Variants in RIMS4 observed in about 807,000 individuals in gnomAD.
The protein encoded by RIMS4 is regulating synaptic membrane exocytosis protein 4.
In RIMS4, 9 loss-of-function variants were observed where a neutral mutation model predicts 29.0. The observed-to-expected ratio is 0.31, with a 90% CI of 0.19 to 0.54. The LOEUF (loss-of-function observed/expected upper bound fraction) is 0.54, where lower values mean the gene tolerates loss of function less well. Ranked by LOEUF, RIMS4 falls within the 20% of genes least tolerant of loss-of-function variation. The pLI is 0.94. For synonymous variants in RIMS4, 130 were observed against 152.9 expected, an observed-to-expected ratio of 0.85 and a Z score of 1.10; for missense variants, 193 against 365.7, an observed-to-expected ratio of 0.53 and a Z score of 3.85.
At position 44,755,184 on chromosome 20, in the gene RIMS4, G is replaced by A. The variant is rs1361578993; in HGVS notation, c.*950C>T. ...GCCCCCTGGCCTGGAGGCAGGGTGGGTAGACAGGATGACCATTGACCTCAT... is the reference window on the plus strand; with the variant it reads ...GCCCCCTGGCCTGGAGGCAGGGTGGATAGACAGGATGACCATTGACCTCAT... On this transcript the variant is annotated 3_prime_UTR_variant, in exon 6 of 6. Transcript: ENST00000372851. The A allele has an allele frequency of 1.1e-4, 17 of 152,488 alleles. No homozygotes were observed. 9.4% of individuals were successfully genotyped at this position (152,488 alleles called of 1,614,324 possible). A position where few individuals can be genotyped will look rare whatever the true frequency, so the allele number is the denominator to read the frequency against.
Position 44,754,569 on chromosome 20 carries a change from G to A in RIMS4, c.*1565C>T, listed in dbSNP as rs571452593. 6.5e-6 allele frequency: 1 copy of A among 153,012 alleles called. No individual in the cohort carries two copies. Among genetic ancestry groups the A allele is most frequent in the East Asian group, 1.9e-4 (1 of 5,188 alleles). The allele number at this position is 153,012 out of a possible 1,614,324, so 9.5% of individuals were successfully genotyped here. Reference sequence around the variant, plus strand: ...AAGAATAATAAATCAGAACAGCCGAGTATAACAGGCAGCTCCAGCTATAAC... The same window carrying A: ...AAGAATAATAAATCAGAACAGCCGAATATAACAGGCAGCTCCAGCTATAAC... On this transcript the variant is annotated 3_prime_UTR_variant, in exon 6 of 6. Transcript: ENST00000372851.
At position 44,756,768 on chromosome 20, in the gene RIMS4, GGCCTCGCCT is replaced by G. The variant is rs2066062347; in HGVS notation, c.591+121_591+129del. ...CTCAGTTCAGCCACAGTGAACTGAG[GGCCTCGCCT>G]GTTTCCTCCAGGCGAGGCCCTCCAG... On this transcript the variant is annotated intron_variant, in intron 5 of 5. Coordinates refer to ENST00000372851, the MANE Select transcript of RIMS4 (RefSeq NM_182970.4). The surrounding 1 kb of genome is among the most constrained non-coding windows in gnomAD (Gnocchi z 5.9). 2.0e-5 allele frequency: 15 copies of G among 742,912 alleles called. No individual in the cohort carries two copies. The highest frequency in any genetic ancestry group is 3.2e-5 in the Non-Finnish European group (15 of 469,980). The allele number at this position is 742,912 out of a possible 1,614,324, so 46.0% of individuals were successfully genotyped here.
chr20:44,792,858 C>T (rs1021794565), intron 1 of RIMS4, among the ~76,000 whole-genome samples: 3 of 152,190 alleles, frequency 2.0e-5, no homozygotes, highest in East Asian at 3.9e-4. Context: ...AGATCTGGTT[C>T]GGGTCTGTGG....
chr20:44,803,190 T>A (rs947402135), intron 1 of RIMS4, among the ~76,000 whole-genome samples: 1 of 152,172 alleles, frequency 6.6e-6, no homozygotes, highest in African/African-American at 2.4e-5. Flanking sequence ...CCTTGATATA[T>A]CCCTAGCACC....
chr20:44,756,835 T>A lies in RIMS4; in HGVS notation c.591+63A>T, dbSNP rs2066062716. 2 of 1,544,032 alleles carry A rather than the reference T, an allele frequency of 1.3e-6. No homozygotes were observed. The highest frequency in any genetic ancestry group is 1.8e-6 in the Non-Finnish European group (2 of 1,138,266). On this transcript the variant is annotated intron_variant, in intron 5 of 5. Coordinates refer to ENST00000372851, the MANE Select transcript of RIMS4 (RefSeq NM_182970.4). The surrounding 1 kb of genome is among the most constrained non-coding windows in gnomAD (Gnocchi z 5.9). ...CCCCGCCAGGGGTGCCCTCCTCTCA[T>A]TCTGGTACTGTGCATGTGTGCTCGT... is the stretch of plus-strand genomic sequence containing the variant.
At position 44,781,329 on chromosome 20, in the gene RIMS4, G is replaced by A. The variant is rs184135585; in HGVS notation, c.98-9916C>T. Among the ~76,000 whole-genome samples the A allele has an allele frequency of 1.9e-4, 29 of 152,348 alleles. No individual in the cohort carries two copies. In the South Asian group the frequency reaches 2.1e-3, roughly 11 times the overall value. On this transcript the variant is annotated intron_variant, in intron 1 of 5. Coordinates refer to ENST00000372851, the MANE Select transcript of RIMS4 (RefSeq NM_182970.4). Reference sequence around the variant, plus strand: ...TACAACGTAGCATAATGTAAGGGCAGAGATATACACAGAGTATTATGGGAG... The same window carrying A: ...TACAACGTAGCATAATGTAAGGGCAAAGATATACACAGAGTATTATGGGAG...
intron 1 of RIMS4, among the ~76,000 whole-genome samples, chr20:44,807,428 C>G (rs1254019569): frequency 6.6e-6 from 1 of 152,212 alleles, no homozygotes; most frequent in Non-Finnish European, 1.5e-5. Flanking sequence ...CTGAAGATGG[C>G]TCTGGCTCAG....
intron 2 of RIMS4, among the ~76,000 whole-genome samples, chr20:44,759,352 C>T (rs1395443515): frequency 1.3e-5 from 2 of 152,018 alleles, no homozygotes; most frequent in African/African-American, 2.4e-5. Context: ...TGGGTTTAAG[C>T]GTTTAAGCAA....
At chr20:44,810,061 G>A (rs1181549051) in intron 1 of RIMS4, 114 bp downstream of exon 1, 1 of 464,844 alleles carries the variant, frequency 2.2e-6, no homozygotes, top group Non-Finnish European at 4.1e-6. Flanking sequence ...AGACCCTGGG[G>A]GCGCCTTCCC....
rs909721240 is a variant in RIMS4 at position 44,754,736 on chromosome 20, GGGACTCTGTAA to G, written c.*1387_*1397del. 1 of 152,792 alleles carries G rather than the reference GGGACTCTGTAA, an allele frequency of 6.5e-6. No homozygotes were observed. Among genetic ancestry groups the G allele is most frequent in the Non-Finnish European group, 1.5e-5 (1 of 68,176 alleles). The allele number at this position is 152,792 out of a possible 1,614,324, so 9.5% of individuals were successfully genotyped here. On this transcript the variant is annotated 3_prime_UTR_variant, in exon 6 of 6. Coordinates refer to ENST00000372851, the MANE Select transcript of RIMS4 (RefSeq NM_182970.4). ...GAGGCTCCTCTCCACCCCCGGTCCT[GGGACTCTGTAA>G]GGACTATGCATGAGCTAAGAACAGG...
chr20:44,757,181 G>A (rs1249322389), intron 4 of RIMS4, 144 bp from the exon 5 acceptor site: 1 of 895,206 alleles, frequency 1.1e-6, no homozygotes, highest in Non-Finnish European at 1.7e-6. Context: ...GGACACATGG[G>A]GGGTGGGCAT....
rs1424117636 is a variant in RIMS4 at position 44,752,490 on chromosome 20, G to A, written c.*3644C>T. ...GTGAGCTCTGGGCTGTTGGAGAACC[G>A]AGTTCCAGTCCTGCCCACCCACTAA... On this transcript the variant is annotated 3_prime_UTR_variant, in exon 6 of 6. Coordinates refer to ENST00000372851, the MANE Select transcript of RIMS4 (RefSeq NM_182970.4). The A allele has an allele frequency of 6.6e-6, 1 of 152,312 alleles. No individual in the cohort carries two copies. The highest frequency in any genetic ancestry group is 2.4e-5 in the African/African-American group (1 of 41,452). 9.4% of individuals were successfully genotyped at this position (152,312 alleles called of 1,614,324 possible). A position where few individuals can be genotyped will look rare whatever the true frequency, so the allele number is the denominator to read the frequency against.
intron 2 of RIMS4, among the ~76,000 whole-genome samples, chr20:44,758,553 G>C (rs1010722065): frequency 2.0e-5 from 3 of 152,162 alleles, no homozygotes; most frequent in African/African-American, 4.8e-5. Context: ...CGGCTGCTTG[G>C]CTACCTAATA....
intron 2 of RIMS4, among the ~76,000 whole-genome samples, chr20:44,767,913 T>C (rs2066120777): frequency 6.6e-6 from 1 of 152,222 alleles, no homozygotes; most frequent in Admixed American, 6.5e-5. Flanking sequence ...CTCATTAAAA[T>C]ACAGATTCTG....
At chr20:44,782,348 C>G (rs2066188165) in intron 1 of RIMS4, among the ~76,000 whole-genome samples, 2 of 152,154 alleles carry the variant, frequency 1.3e-5, no homozygotes, top group Admixed American at 1.3e-4. Context: ...CTCACTGCAA[C>G]CCGTCTCCCA....
chr20:44,771,443 G>A (rs755013753), intron 1 of RIMS4, 30 bp from the exon 2 acceptor site: 5 of 1,593,932 alleles, frequency 3.1e-6, no homozygotes, highest in South Asian at 2.2e-5. Flanking sequence ...AGAGAGATGG[G>A]AAGAGAGACA....
Position 44,752,727 on chromosome 20 carries a change from G to C in RIMS4, c.*3407C>G, listed in dbSNP as rs2066039667. ...GCATCTGAAGGTTTGGGGAGGACTT[G>C]CCTGAAATGAGGCGCCCACAGCTGC... is the stretch of plus-strand genomic sequence containing the variant. On this transcript the variant is annotated 3_prime_UTR_variant, in exon 6 of 6. Coordinates refer to ENST00000372851, the MANE Select transcript of RIMS4 (RefSeq NM_182970.4). 2 of 152,418 alleles carry C rather than the reference G, an allele frequency of 1.3e-5. No individual in the cohort carries two copies. Among genetic ancestry groups the C allele is most frequent in the African/African-American group, 4.8e-5 (2 of 41,474 alleles). 9.4% of individuals were successfully genotyped at this position (152,418 alleles called of 1,614,324 possible).
intron 4 of RIMS4, 114 bp from the exon 5 acceptor site, chr20:44,757,151 G>T: frequency 8.4e-7 from 1 of 1,189,492 alleles, no homozygotes; most frequent in Non-Finnish European, 1.2e-6. Flanking sequence ...GCCCCCATGG[G>T]GTCTGGGGAG....
intron 1 of RIMS4, 26 bp downstream of exon 1, chr20:44,810,149 G>A (rs1188884318): frequency 1.3e-6 from 2 of 1,496,432 alleles, no homozygotes; most frequent in South Asian, 1.2e-5. Flanking sequence ...CACCCCGGGG[G>A]TCTGGGGGGC....
Sources: allele counts gnomAD v4.1 joint callset (sites outside exome capture counted in the v4.1 genomes callset), GRCh38; gene constraint gnomAD v4.1.1; non-coding constraint Gnocchi (gnomAD v3.1); transcripts MANE v1.5; gene names NCBI Gene and HGNC (gene_info 2026-07-23, HGNC 2026-07-21).